Variants in SLC24A3 observed in about 807,000 individuals in gnomAD.
The protein encoded by SLC24A3 is solute carrier family 24 member 3, also known as sodium/potassium/calcium exchanger 3.
In SLC24A3, 28 loss-of-function variants were observed where a neutral mutation model predicts 75.8. The observed-to-expected ratio is 0.37, with a 90% CI of 0.27 to 0.51. The LOEUF is 0.51. Ranked by LOEUF, SLC24A3 falls within the 20% of genes least tolerant of loss-of-function variation. The probability of loss-of-function intolerance (pLI) is 0.94; values close to 1 mark genes in which losing one functional copy is unlikely to be tolerated. For missense variants in SLC24A3, 663 were observed against 847.8 expected (o/e 0.78, Z 2.71); for synonymous variants, 372 against 334.1 (o/e 1.11, Z -1.24).
chr20:19,625,629 T>A (rs994136191), intron 6 of SLC24A3, among the ~76,000 whole-genome samples: 1 of 152,224 alleles, frequency 6.6e-6, no homozygotes, highest in Admixed American at 6.5e-5. Flanking sequence ...TTCTAAGGGA[T>A]GGAGTTGCAG....
At chr20:19,660,977 T>G (rs1336670110) in intron 7 of SLC24A3, among the ~76,000 whole-genome samples, 1 of 152,164 alleles carries the variant, frequency 6.6e-6, no homozygotes, top group Admixed American at 6.5e-5. Context: ...TTAATGACAC[T>G]GGGTAAACTA....
At chr20:19,392,510 G>T (rs1416754712) in intron 2 of SLC24A3, among the ~76,000 whole-genome samples, 2 of 152,334 alleles carry the variant, frequency 1.3e-5, no homozygotes, top group Admixed American at 1.3e-4. Flanking sequence ...GAGCTTTGCT[G>T]TGGCTTCTTC....
At chr20:19,377,296 G>A (rs989140168) in intron 2 of SLC24A3, among the ~76,000 whole-genome samples, 2 of 152,168 alleles carry the variant, frequency 1.3e-5, no homozygotes, top group Non-Finnish European at 2.9e-5. Flanking sequence ...CAGAGGTAGT[G>A]TGTCCCTGTC....
chr20:19,452,433 G>A (rs1344711300), intron 2 of SLC24A3, among the ~76,000 whole-genome samples: 2 of 124,266 alleles, frequency 1.6e-5, no homozygotes, highest in African/African-American at 6.3e-5. Flanking sequence ...TGTTGGGGAA[G>A]TAAGGTGGTG....
chr20:19,505,397 C>T (rs1988447306), intron 2 of SLC24A3, among the ~76,000 whole-genome samples: 2 of 152,316 alleles, frequency 1.3e-5, no homozygotes, highest in East Asian at 3.9e-4. Context: ...AAGTTCTTTT[C>T]TGGAAAAACA....
In SLC24A3 at chr20:19,486,731, T is replaced by C. The variant is rs538686490; in HGVS notation, c.272-28757T>C. ...AACCCAATGGCTTAATTTTAGGGAC[T>C]ATAAGTATCTAAGAAAAGAGGTGAT... On this transcript the variant is annotated intron_variant, in intron 2 of 16. Transcript: ENST00000328041. Among the ~76,000 whole-genome samples, 9 of 152,336 alleles carry C rather than the reference T, an allele frequency of 5.9e-5. No individual in the cohort carries two copies. The South Asian group carries it at 1.9e-3, about 32-fold the overall frequency.
At chr20:19,716,544 G>A (rs969849025) in intron 15 of SLC24A3, among the ~76,000 whole-genome samples, 5 of 151,868 alleles carry the variant, frequency 3.3e-5, no homozygotes, top group Non-Finnish European at 1.5e-5. Context: ...CTGCTCATCA[G>A]TGCTATTCTA....
intron 2 of SLC24A3, among the ~76,000 whole-genome samples, chr20:19,467,448 A>G (rs1353893243): frequency 1.3e-5 from 2 of 152,232 alleles, no homozygotes; most frequent in Non-Finnish European, 2.9e-5. Flanking sequence ...TAAATTATCC[A>G]AGTATGGCTA....
At chr20:19,278,991 G>A (rs982361053) in intron 1 of SLC24A3, among the ~76,000 whole-genome samples, 2 of 152,140 alleles carry the variant, frequency 1.3e-5, no homozygotes, top group African/African-American at 4.8e-5. Flanking sequence ...CTAAAAAGTG[G>A]GACTAATTAT....
chr20:19,438,067 C>A (rs897895692), intron 2 of SLC24A3, among the ~76,000 whole-genome samples: 2 of 152,186 alleles, frequency 1.3e-5, no homozygotes. Context: ...ACTCTCACTT[C>A]CTCAAGGTCC....
chr20:19,281,233 TGA>T (rs1568577446), intron 2 of SLC24A3, 146 bp downstream of exon 2: 1 of 1,199,876 alleles, frequency 8.3e-7, no homozygotes, highest in Non-Finnish European at 1.1e-6. Context: ...AACTTTCAGG[TGA>T]CATCCTGAGG....
At chr20:19,717,875 T>C (rs1047164259) in intron 16 of SLC24A3, among the ~76,000 whole-genome samples, 2 of 152,224 alleles carry the variant, frequency 1.3e-5, no homozygotes, top group Non-Finnish European at 2.9e-5. Flanking sequence ...TTGTCTGCAA[T>C]ATGAGTCATG....
chr20:19,409,853 A>G (rs6112356), intron 2 of SLC24A3, among the ~76,000 whole-genome samples: 17 of 150,872 alleles, frequency 1.1e-4, no homozygotes, highest in African/African-American at 3.4e-4. Flanking sequence ...GTGTGTATAT[A>G]TATATATATA....
chr20:19,648,380 C>T (rs1427541393), intron 6 of SLC24A3, among the ~76,000 whole-genome samples: 1 of 152,104 alleles, frequency 6.6e-6, no homozygotes, highest in Non-Finnish European at 1.5e-5. Context: ...GAAATAACAA[C>T]ATTTCTCACA....
intron 1 of SLC24A3, among the ~76,000 whole-genome samples, chr20:19,259,308 A>T (rs1397580085): frequency 6.6e-6 from 1 of 152,250 alleles, no homozygotes; most frequent in Non-Finnish European, 1.5e-5. Flanking sequence ...CCCAGCATGC[A>T]GGAGCTTTCC....
chr20:19,303,076 G>A (rs143546685), intron 2 of SLC24A3, among the ~76,000 whole-genome samples: 27 of 151,916 alleles, frequency 1.8e-4, no homozygotes, highest in Admixed American at 5.3e-4. Flanking sequence ...ACTGCATGTC[G>A]TGGGGGTTTT....
At chr20:19,360,583 A>G (rs1040177592) in intron 2 of SLC24A3, among the ~76,000 whole-genome samples, 11 of 152,212 alleles carry the variant, frequency 7.2e-5, no homozygotes, top group African/African-American at 2.7e-4. Flanking sequence ...GGATACCTCA[A>G]AGCTTCAATA....
At chr20:19,292,206 A>G (rs988212328) in intron 2 of SLC24A3, among the ~76,000 whole-genome samples, 3 of 152,196 alleles carry the variant, frequency 2.0e-5, no homozygotes, top group African/African-American at 4.8e-5. Context: ...ACACACAGCC[A>G]GTGCTCAGTC....
chr20:19,519,518 C>T (rs1389725944), intron 3 of SLC24A3, among the ~76,000 whole-genome samples: 1 of 152,238 alleles, frequency 6.6e-6, no homozygotes, highest in Non-Finnish European at 1.5e-5. Context: ...TCTGTTCCTT[C>T]TGGCTGTTTG....
Sources: gnomAD v4.1 joint callset for allele counts (sites outside exome capture counted in the v4.1 genomes callset) on GRCh38, gnomAD v4.1.1 for gene constraint, MANE v1.5 for transcripts, NCBI Gene and HGNC (gene_info 2026-07-23, HGNC 2026-07-21) for gene names.